Variants in STK11 observed in about 807,000 individuals in gnomAD.
The protein encoded by STK11 is serine/threonine-protein kinase STK11.
A neutral mutation model predicts 47.3 loss-of-function variants in STK11; 8 were observed. The observed-to-expected ratio is 0.17, with a 90% CI of 0.10 to 0.31. The LOEUF (loss-of-function observed/expected upper bound fraction) is 0.31, where lower values mean the gene tolerates loss of function less well. Ranked by LOEUF, STK11 falls within the 10% of genes least tolerant of loss-of-function variation. The probability of loss-of-function intolerance (pLI) is 1.00; values close to 1 mark genes in which losing one functional copy is unlikely to be tolerated. For synonymous variants in STK11, 330 were observed against 255.8 expected, an observed-to-expected ratio of 1.29 and a Z score of -2.77; for missense variants, 475 against 605.0, an observed-to-expected ratio of 0.79 and a Z score of 2.25.
intron 9 of STK11, 152 bp downstream of exon 9, chr19:1,226,815 C>T (rs1480156239): frequency 3.3e-5 from 32 of 959,616 alleles, no homozygotes; most frequent in African/African-American, 1.7e-5. Flanking sequence ...GGCCACGTAG[C>T]GATCCCCGTG....
chr19:1,227,990 A>C lies in STK11; in HGVS notation c.*414A>C. The C allele has an allele frequency of 9.4e-7, 1 of 1,068,254 alleles. No homozygotes were observed. The highest frequency in any genetic ancestry group is 1.1e-6 in the Non-Finnish European group (1 of 881,190). 66.2% of individuals were successfully genotyped at this position (1,068,254 alleles called of 1,614,324 possible). A position where few individuals can be genotyped will look rare whatever the true frequency, so the allele number is the denominator to read the frequency against. On this transcript the variant is annotated 3_prime_UTR_variant, in exon 10 of 10. Coordinates refer to ENST00000326873, the MANE Select transcript of STK11 (RefSeq NM_000455.5). Reference sequence around the variant, plus strand: ...GACCAGGCTCCTGACCCCGCCATGCATGCAGCGCCACCTGGAAGCCGCGCG... The same window carrying C: ...GACCAGGCTCCTGACCCCGCCATGCCTGCAGCGCCACCTGGAAGCCGCGCG...
intron 5 of STK11, among the ~76,000 whole-genome samples, 158 bp downstream of exon 5, chr19:1,220,875 T>C (rs1420265786): frequency 6.6e-6 from 1 of 152,206 alleles, no homozygotes; most frequent in East Asian, 1.9e-4. Flanking sequence ...GAAATGTAAC[T>C]CATACGGCAG....
Position 1,227,920 on chromosome 19 carries a change from A to C in STK11, c.*344A>C, listed in dbSNP as rs1417433674. 1 of 1,070,080 alleles carries C rather than the reference A, an allele frequency of 9.3e-7. No individual in the cohort carries two copies. Among genetic ancestry groups the C allele is most frequent in the East Asian group, 4.8e-5 (1 of 20,788 alleles). 66.3% of individuals were successfully genotyped at this position (1,070,080 alleles called of 1,614,324 possible). A position where few individuals can be genotyped will look rare whatever the true frequency, so the allele number is the denominator to read the frequency against. On this transcript the variant is annotated 3_prime_UTR_variant, in exon 10 of 10. Coordinates refer to ENST00000326873, the MANE Select transcript of STK11 (RefSeq NM_000455.5). Reference sequence around the variant, plus strand: ...TGGCCTCGTGCTCCGCAGGGCGCCCAGCGCCGTCCGGCGGCCCCGCCGCAG... The same window carrying C: ...TGGCCTCGTGCTCCGCAGGGCGCCCCGCGCCGTCCGGCGGCCCCGCCGCAG...
intron 7 of STK11, 51 bp downstream of exon 7, chr19:1,222,057 T>C (rs2145429086): frequency 1.3e-6 from 2 of 1,544,774 alleles, no homozygotes; most frequent in East Asian, 2.4e-5. Context: ...AGGCCGGCCA[T>C]GTGGGCAGCT....
chr19:1,221,372 A>AG, intron 6 of STK11, 32 bp downstream of exon 6: 1 of 1,578,928 alleles, frequency 6.3e-7, no homozygotes, highest in Non-Finnish European at 8.6e-7. Flanking sequence ...CCGCAGCCCC[A>AG]GGGAGGCGGG....
intron 8 of STK11, chr19:1,225,973 T>C: frequency 2.0e-6 from 2 of 993,362 alleles, no homozygotes; most frequent in Non-Finnish European, 2.4e-6. Flanking sequence ...GGCTGAGCTC[T>C]GCTCCCCGCG....
At chr19:1,207,340 C>A in intron 1 of STK11, 137 bp downstream of exon 1, 1 of 1,240,080 alleles carries the variant, frequency 8.1e-7, no homozygotes, top group Non-Finnish European at 1.1e-6. Context: ...GCGCCTGTGT[C>A]CTCCGTGCCA....
chr19:1,212,284 T>TC (rs1319086169), intron 1 of STK11, among the ~76,000 whole-genome samples: 1 of 139,862 alleles, frequency 7.1e-6, no homozygotes, highest in Non-Finnish European at 1.6e-5. Flanking sequence ...TTTTTTTTTT[T>TC]TTTTTTTTTT....
At chr19:1,208,382 A>G (rs1453505773) in intron 1 of STK11, among the ~76,000 whole-genome samples, 1 of 143,970 alleles carries the variant, frequency 6.9e-6, no homozygotes, top group Non-Finnish European at 1.5e-5. Flanking sequence ...AACTGGGCTC[A>G]CTGCAAGCTC....
In STK11 at chr19:1,221,203, C is replaced by T. The variant is rs553975112; in HGVS notation, c.735-10C>T. 1.6e-5 allele frequency: 25 copies of T among 1,611,456 alleles called. No homozygotes were observed. The East Asian group carries it at 4.0e-4, about 26-fold the overall frequency. On this transcript the variant is annotated splice_polypyrimidine_tract_variant and intron_variant, in intron 5 of 9. Transcript: ENST00000326873. The stretch of plus-strand genomic sequence containing the variant: ...TGACCACGCCTTTCTTCCCTCCCCT[C>T]GAAATGAAGCTACAACATCACCACG...
intron 1 of STK11, 33 bp downstream of exon 1, chr19:1,207,236 C>T (rs2080674060): frequency 6.4e-7 from 1 of 1,569,448 alleles, no homozygotes. Flanking sequence ...GGGGCCGGGC[C>T]GGGCCAGTCA....
rs778853572 is a variant in STK11 at position 1,221,945 on chromosome 19, T to C, written c.863-4T>C. 1.3e-6 allele frequency: 2 copies of C among 1,555,916 alleles called. No homozygotes were observed. Among genetic ancestry groups the C allele is most frequent in the Admixed American group, 3.9e-5 (2 of 51,830 alleles). On this transcript the variant is annotated splice_polypyrimidine_tract_variant and splice_region_variant and intron_variant, in intron 6 of 9. Coordinates refer to ENST00000326873, the MANE Select transcript of STK11 (RefSeq NM_000455.5). ...TGACAGGCTCCTCGCCGGCTTCTCC[T>C]CAGGGATGCTTGAGTACGAACCGGC...
chr19:1,211,003 A>AT (rs2080706503), intron 1 of STK11, among the ~76,000 whole-genome samples: 1 of 152,264 alleles, frequency 6.6e-6, no homozygotes, highest in African/African-American at 2.4e-5. Flanking sequence ...TCTACTAAAA[A>AT]TAGAAAAACT....
chr19:1,206,743 C>G lies in STK11; in HGVS notation c.-171C>G, dbSNP rs985239943. 8 of 923,498 alleles carry G rather than the reference C, an allele frequency of 8.7e-6. No homozygotes were observed. The highest frequency in any genetic ancestry group is 1.7e-5 in the African/African-American group (1 of 59,786). 57.2% of individuals were successfully genotyped at this position (923,498 alleles called of 1,614,324 possible). On this transcript the variant is annotated 5_prime_UTR_variant, in exon 1 of 10. Coordinates refer to ENST00000326873, the MANE Select transcript of STK11 (RefSeq NM_000455.5). ...TCGCAGCCGGGACTGACGTGTAGAACAATCGTTTCTGTTGGAAGAAGGGTT... is the reference window on the plus strand; with the variant it reads ...TCGCAGCCGGGACTGACGTGTAGAAGAATCGTTTCTGTTGGAAGAAGGGTT...
At chr19:1,212,241 A>AT (rs1438263540) in intron 1 of STK11, among the ~76,000 whole-genome samples, 1 of 123,266 alleles carries the variant, frequency 8.1e-6, no homozygotes, top group Non-Finnish European at 1.7e-5. Flanking sequence ...ACGCCACCGT[A>AT]TTGCTCAAAC....
chr19:1,225,935 G>T, intron 8 of STK11: 1 of 993,044 alleles, frequency 1.0e-6, no homozygotes, highest in South Asian at 4.5e-5. Flanking sequence ...TGGCTAGCAG[G>T]GACTGGGGGC....
At position 1,227,764 on chromosome 19, in the gene STK11, TC is replaced by T; in HGVS notation, c.*194del. 3.7e-6 allele frequency: 4 copies of T among 1,073,244 alleles called. No individual in the cohort carries two copies. Among genetic ancestry groups the T allele is most frequent in the African/African-American group, 1.6e-5 (1 of 61,100 alleles). The allele number at this position is 1,073,244 out of a possible 1,614,324, so 66.5% of individuals were successfully genotyped here. On this transcript the variant is annotated 3_prime_UTR_variant, in exon 10 of 10. Transcript: ENST00000326873. The stretch of plus-strand genomic sequence containing the variant: ...GGACAGCAGGGACCGGGCGCAGCCC[TC>T]CCCCCTCGGCCGCCCGGCAGTGCAC...
chr19:1,220,280 G>A (rs2080773080), intron 3 of STK11, 93 bp from the exon 4 acceptor site: 14 of 1,489,210 alleles, frequency 9.4e-6, no homozygotes, highest in Non-Finnish European at 1.3e-5. Context: ...AGCTGGGCCT[G>A]TGGTGTTTGG....
At chr19:1,226,882 G>A (rs373162210) in intron 9 of STK11, 4 of 570,334 alleles carry the variant, frequency 7.0e-6, no homozygotes, top group East Asian at 3.3e-5. Flanking sequence ...GGAGGCCTAC[G>A]TGTGGCGGGG....
Sources: gnomAD v4.1 joint callset for allele counts (sites outside exome capture counted in the v4.1 genomes callset) on GRCh38, gnomAD v4.1.1 for gene constraint, MANE v1.5 for transcripts, NCBI Gene and HGNC (gene_info 2026-07-23, HGNC 2026-07-21) for gene names.